The following OTUD7A variants were observed in gnomAD, a reference collection of about 807,000 sequenced individuals.
The protein encoded by OTUD7A is OTU domain-containing protein 7A.
OTUD7A carries 12 observed loss-of-function variants against 65.7 expected under a neutral mutation model. The ratio of observed to expected loss-of-function variants is 0.18; its 90% CI spans 0.12 to 0.30. The LOEUF is 0.30. Ranked by LOEUF, OTUD7A falls within the 10% of genes least tolerant of loss-of-function variation. The pLI is 1.00. For missense variants in OTUD7A, 1,148 were observed against 1,304.8 expected, an observed-to-expected ratio of 0.88 and a Z score of 1.85; for synonymous variants, 641 against 586.3, an observed-to-expected ratio of 1.09 and a Z score of -1.35.
At chr15:31,803,076 A>G (rs928428924) in intron 1 of OTUD7A, among the ~76,000 whole-genome samples, 1 of 152,214 alleles carries the variant, frequency 6.6e-6, no homozygotes, top group African/African-American at 2.4e-5. Flanking sequence ...ACTTGAGCAG[A>G]GCATTCCCAG....
chr15:31,537,301 A>G (rs1302880989), intron 5 of OTUD7A, among the ~76,000 whole-genome samples: 2 of 152,218 alleles, frequency 1.3e-5, no homozygotes, highest in Non-Finnish European at 2.9e-5. Flanking sequence ...TTCCATTGTA[A>G]TAAGTGGCAT....
intron 1 of OTUD7A, among the ~76,000 whole-genome samples, chr15:31,827,961 T>C (rs1410390251): frequency 2.0e-5 from 3 of 152,038 alleles, no homozygotes; most frequent in Non-Finnish European, 4.4e-5. Flanking sequence ...AAAATCAAAT[T>C]ATGGTGAGGC....
intron 1 of OTUD7A, among the ~76,000 whole-genome samples, chr15:31,659,003 G>C (rs1892074055): frequency 6.6e-6 from 1 of 150,742 alleles, no homozygotes; most frequent in African/African-American, 2.4e-5. Context: ...TTGCACTCCA[G>C]CCTGGGCATG....
intron 5 of OTUD7A, among the ~76,000 whole-genome samples, chr15:31,541,852 G>C (rs957876399): frequency 2.0e-5 from 3 of 152,134 alleles, no homozygotes; most frequent in African/African-American, 4.8e-5. Context: ...TGAATGCAAA[G>C]ATTAGAAATA....
chr15:31,530,128 T>C (rs1453441078), intron 6 of OTUD7A, among the ~76,000 whole-genome samples: 2 of 152,230 alleles, frequency 1.3e-5, no homozygotes, highest in African/African-American at 4.8e-5. Context: ...ATTCTGACTA[T>C]GCTGACTCCC....
intron 1 of OTUD7A, among the ~76,000 whole-genome samples, chr15:31,669,736 C>A (rs140486505): frequency 0.027 from 3,916 of 147,336 alleles, 119 homozygotes; most frequent in African/African-American, 0.08. Context: ...GTTTTTCCCC[C>A]CTCCTCTGGC....
intron 4 of OTUD7A, among the ~76,000 whole-genome samples, chr15:31,561,597 T>C (rs762824715): frequency 1.3e-5 from 2 of 152,150 alleles, no homozygotes; most frequent in African/African-American, 2.4e-5. Flanking sequence ...TAGGACAACA[T>C]GATGTGGTTC....
At chr15:31,627,700 CCCA>C (rs1303703334) in intron 3 of OTUD7A, among the ~76,000 whole-genome samples, 2 of 152,208 alleles carry the variant, frequency 1.3e-5, no homozygotes, top group Non-Finnish European at 2.9e-5. Context: ...AGTTTACACT[CCCA>C]CCAACAGTGT....
chr15:31,778,741 CACACACACACACACAGACACGCACAT>C (rs908877745), intron 1 of OTUD7A, among the ~76,000 whole-genome samples: 3 of 150,180 alleles, frequency 2.0e-5, no homozygotes, highest in Non-Finnish European at 3.0e-5. Flanking sequence ...CTCTCTCTCT[CACACACACACACACAGACACGCACAT>C]ACACACACAC....
At chr15:31,613,777 A>G (rs1010924545) in intron 3 of OTUD7A, among the ~76,000 whole-genome samples, 6 of 152,134 alleles carry the variant, frequency 3.9e-5, no homozygotes, top group African/African-American at 1.4e-4. Context: ...TGATCTAGCA[A>G]TCTCACTACT....
At chr15:31,727,055 T>C (rs553301682) in intron 1 of OTUD7A, among the ~76,000 whole-genome samples, 3 of 152,360 alleles carry the variant, frequency 2.0e-5, no homozygotes, top group African/African-American at 7.2e-5. Context: ...CCATGGGCCA[T>C]GTGGGAGCAG....
chr15:31,668,889 T>C (rs372230107), intron 1 of OTUD7A, among the ~76,000 whole-genome samples: 1 of 152,226 alleles, frequency 6.6e-6, no homozygotes. Context: ...TGTGGCTTCC[T>C]GCCAGCCAAA....
chr15:31,746,559 C>T (rs980960265), intron 1 of OTUD7A, among the ~76,000 whole-genome samples: 5 of 148,214 alleles, frequency 3.4e-5, no homozygotes, highest in Admixed American at 1.4e-4. Context: ...GGCTGGAGTG[C>T]GATCTCGGCT....
At chr15:31,540,808 T>C (rs547582169) in intron 5 of OTUD7A, among the ~76,000 whole-genome samples, 13 of 152,294 alleles carry the variant, frequency 8.5e-5, no homozygotes, top group South Asian at 8.3e-4. Context: ...AAGTCCTTTT[T>C]AGAGTAAGCA....
intron 1 of OTUD7A, among the ~76,000 whole-genome samples, chr15:31,689,838 G>C (rs937159526): frequency 4.6e-5 from 7 of 152,154 alleles, no homozygotes; most frequent in African/African-American, 1.7e-4. Flanking sequence ...TCTCAGCGGG[G>C]CTCAAACACT....
chr15:31,613,099 A>G (rs1890479334), intron 3 of OTUD7A, among the ~76,000 whole-genome samples: 1 of 151,522 alleles, frequency 6.6e-6, no homozygotes, highest in Non-Finnish European at 1.5e-5. Context: ...CACATGTAGG[A>G]GAATGAAACA....
chr15:31,504,961 G>T (rs2041537433), intron 8 of OTUD7A, among the ~76,000 whole-genome samples: 3 of 151,706 alleles, frequency 2.0e-5, no homozygotes, highest in Admixed American at 2.0e-4. Context: ...CGTTATCTCA[G>T]CTCAATGCAA....
chr15:31,826,899 C>T (rs1896810101), intron 1 of OTUD7A, among the ~76,000 whole-genome samples: 1 of 152,222 alleles, frequency 6.6e-6, no homozygotes, highest in Non-Finnish European at 1.5e-5. Flanking sequence ...CTTCAGTTCT[C>T]AACAAGTTCC....
chr15:31,507,640 GC>G (rs869162497), intron 8 of OTUD7A, among the ~76,000 whole-genome samples: 1 of 11,694 alleles, frequency 8.6e-5, no homozygotes, highest in South Asian at 8.8e-4. Flanking sequence ...TGGCTGGGGG[GC>G]GGGGGTGGCA....
Sources: gnomAD v4.1 joint callset for allele counts (sites outside exome capture counted in the v4.1 genomes callset) on GRCh38, gnomAD v4.1.1 for gene constraint, MANE v1.5 for transcripts, NCBI Gene and HGNC (gene_info 2026-07-23, HGNC 2026-07-21) for gene names.